The following HCRTR2 variants were observed in gnomAD, a reference collection of about 807,000 sequenced individuals.
The protein encoded by HCRTR2 is hypocretin receptor 2, also known as orexin receptor type 2.
HCRTR2 carries 22 observed loss-of-function variants against 49.0 expected under a neutral mutation model. That is an observed-to-expected ratio of 0.45 (90% CI 0.32 to 0.64). The LOEUF is 0.64. HCRTR2 is among the 30% of genes least tolerant of loss of function. HCRTR2 has a pLI of 0.04. For synonymous variants in HCRTR2, 236 were observed against 205.3 expected (o/e 1.15, Z -1.28); for missense variants, 491 against 559.4 (o/e 0.88, Z 1.23).
At chr6:55,167,285 C>T (rs999017149) in intron 1 of HCRTR2, among the ~76,000 whole-genome samples, 1 of 152,144 alleles carries the variant, frequency 6.6e-6, no homozygotes, top group African/African-American at 2.4e-5. Flanking sequence ...GGAGTAAAAG[C>T]ATGTCACATT....
chr6:55,171,451 C>T (rs1401581587), upstream of HCRTR2, among the ~76,000 whole-genome samples: 1 of 152,098 alleles, frequency 6.6e-6, no homozygotes, highest in Non-Finnish European at 1.5e-5. Flanking sequence ...TACCTAAGAA[C>T]TAGAAATTCC....
chr6:55,192,413 G>GCGCACACACACACA lies in HCRTR2; in HGVS notation c.223+17604_223+17605insGCACACACACACAC, dbSNP rs139180472. On this transcript the variant is annotated intron_variant, in intron 1 of 6. Coordinates refer to ENST00000370862, the MANE Select transcript of HCRTR2 (RefSeq NM_001384272.1). ...TAAACACACACACACGCGCGCGCGC[G>GCGCACACACACACA]CACACACACACACACACACACACAC... is the stretch of plus-strand genomic sequence containing the variant. 1.4e-3 allele frequency among the ~76,000 whole-genome samples: 185 copies of GCGCACACACACACA among 128,520 alleles called. 2 individuals are homozygous for GCGCACACACACACA. Among genetic ancestry groups the GCGCACACACACACA allele is most frequent in the East Asian group, 4.9e-3 (21 of 4,274 alleles). 84.3% of individuals were successfully genotyped at this position (128,520 alleles called of 152,430 possible).
intron 1 of HCRTR2, among the ~76,000 whole-genome samples, chr6:55,110,253 A>G (rs1166704182): frequency 1.3e-5 from 2 of 152,154 alleles, no homozygotes; most frequent in African/African-American, 4.8e-5. Flanking sequence ...AAAATGCACC[A>G]AAATAGGACT....
At chr6:55,149,035 A>T (rs774966214) in intron 1 of HCRTR2, among the ~76,000 whole-genome samples, 7 of 152,094 alleles carry the variant, frequency 4.6e-5, no homozygotes, top group Non-Finnish European at 7.4e-5. Flanking sequence ...ATTTGCATGA[A>T]TACTTATAAC....
intron 1 of HCRTR2, among the ~76,000 whole-genome samples, chr6:55,166,938 A>C (rs941715167): frequency 7.6e-6 from 1 of 131,080 alleles, no homozygotes; most frequent in African/African-American, 2.8e-5. Context: ...AGTGAAAGAC[A>C]TAAGACACAA....
intron 1 of HCRTR2, among the ~76,000 whole-genome samples, chr6:55,237,148 T>A (rs2127302997): frequency 6.6e-6 from 1 of 152,212 alleles, no homozygotes; most frequent in South Asian, 2.1e-4. Flanking sequence ...CTTGGACTAT[T>A]TTTCTATTTT....
intron 1 of HCRTR2, among the ~76,000 whole-genome samples, chr6:55,181,429 A>T (rs1268344089): frequency 1.3e-5 from 2 of 152,212 alleles, no homozygotes. Flanking sequence ...CAAAAAACAA[A>T]TTGCTCAAAA....
chr6:55,242,244 A>T (rs2127307326), intron 1 of HCRTR2, among the ~76,000 whole-genome samples: 1 of 152,316 alleles, frequency 6.6e-6, no homozygotes, highest in East Asian at 1.9e-4. Flanking sequence ...TTAAGTGTAT[A>T]GTTCAATGAC....
intron 1 of HCRTR2, among the ~76,000 whole-genome samples, chr6:55,206,018 A>T (rs1447256302): frequency 6.6e-6 from 1 of 152,122 alleles, no homozygotes; most frequent in Non-Finnish European, 1.5e-5. Flanking sequence ...ATGATTTTTT[A>T]AAATTTGTTA....
At chr6:55,184,741 A>G (rs1383052981) in intron 1 of HCRTR2, among the ~76,000 whole-genome samples, 1 of 152,238 alleles carries the variant, frequency 6.6e-6, no homozygotes, top group Non-Finnish European at 1.5e-5. Context: ...CAATGGAAAT[A>G]CAACAATGAT....
intron 1 of HCRTR2, among the ~76,000 whole-genome samples, chr6:55,164,771 T>TAA (rs34910792): frequency 2.7e-5 from 4 of 148,460 alleles, no homozygotes; most frequent in Non-Finnish European, 6.0e-5. Context: ...CTTAAAGTAT[T>TAA]AAAAAAAAAA....
intron 1 of HCRTR2, among the ~76,000 whole-genome samples, chr6:55,109,017 C>A (rs1217180598): frequency 6.6e-6 from 1 of 152,112 alleles, no homozygotes; most frequent in Non-Finnish European, 1.5e-5. Flanking sequence ...GCTACCTCCA[C>A]TGGAGCAGGT....
At chr6:55,127,053 A>T (rs1039045443) in intron 1 of HCRTR2, among the ~76,000 whole-genome samples, 1 of 152,130 alleles carries the variant, frequency 6.6e-6, no homozygotes, top group Non-Finnish European at 1.5e-5. Flanking sequence ...GCCTGGCTTC[A>T]GTACCCCTTC....
chr6:55,113,500 A>G (rs1481361476), intron 1 of HCRTR2, among the ~76,000 whole-genome samples: 1 of 152,156 alleles, frequency 6.6e-6, no homozygotes, highest in Non-Finnish European at 1.5e-5. Context: ...AAAAGAAGAT[A>G]CACAAATGGC....
At chr6:55,251,044 A>T (rs966265508) in intron 2 of HCRTR2, among the ~76,000 whole-genome samples, 5 of 152,182 alleles carry the variant, frequency 3.3e-5, no homozygotes, top group African/African-American at 7.2e-5. Flanking sequence ...CCCAAATGCA[A>T]TGAACAGTGC....
At chr6:55,163,119 C>T (rs1334142239) in intron 1 of HCRTR2, among the ~76,000 whole-genome samples, 1 of 151,970 alleles carries the variant, frequency 6.6e-6, no homozygotes, top group African/African-American at 2.4e-5. Context: ...GCCTGTAGTC[C>T]CAGCTACTTG....
At chr6:55,259,432 A>G (rs992353940) in intron 3 of HCRTR2, among the ~76,000 whole-genome samples, 2 of 152,092 alleles carry the variant, frequency 1.3e-5, no homozygotes, top group African/African-American at 4.8e-5. Flanking sequence ...CATGTTGAAT[A>G]TTGGGAAATT....
chr6:55,183,394 GA>G (rs1454047004), intron 1 of HCRTR2, among the ~76,000 whole-genome samples: 4 of 152,216 alleles, frequency 2.6e-5, no homozygotes, highest in Admixed American at 2.0e-4. Flanking sequence ...AATGAGCTAT[GA>G]AGAAAGTGTT....
chr6:55,192,181 C>G (rs1765326880), intron 1 of HCRTR2, among the ~76,000 whole-genome samples: 1 of 152,082 alleles, frequency 6.6e-6, no homozygotes, highest in African/African-American at 2.4e-5. Flanking sequence ...CTTTTACATT[C>G]AGTTCAAGCT....
Sources: gnomAD v4.1 joint callset for allele counts (sites outside exome capture counted in the v4.1 genomes callset) on GRCh38, gnomAD v4.1.1 for gene constraint, MANE v1.5 for transcripts, NCBI Gene and HGNC (gene_info 2026-07-23, HGNC 2026-07-21) for gene names.